Variants in CROCC2 observed in about 807,000 individuals in gnomAD.
CROCC2 encodes ciliary rootlet coiled-coil, rootletin family member 2.
Under a neutral mutation model 177.6 loss-of-function variants are expected in CROCC2, and 163 were observed. The observed-to-expected ratio is 0.92, with a 90% CI of 0.81 to 1.05. The LOEUF is 1.05. Among genes scored for constraint, CROCC2 ranks in the 50% least tolerant of loss-of-function variants. The pLI is 0.00. For missense variants in CROCC2, 1,929 were observed against 1,797.8 expected (o/e 1.07, Z -1.32); for synonymous variants, 904 against 787.3 (o/e 1.15, Z -2.48).
At position 240,934,338 on chromosome 2, in the gene CROCC2, C is replaced by A; in HGVS notation, c.1654C>A (p.Arg552Ser). Residue 552 changes from arginine to serine, a missense_variant, in exon 12 of 32, where the codon CGC becomes AGC. Arg to Ser is a moderately radical substitution (Grantham distance 110, BLOSUM62 -1). Coordinates refer to ENST00000690015, the MANE Select transcript of CROCC2 (RefSeq NM_001351305.2). Reference sequence around the variant, plus strand: ...TCTGGTCTGGGGCCTCAGTCAAGGCCGCCTGCAGCAGCTGGAGGAGAAGGT... The same window carrying A: ...TCTGGTCTGGGGCCTCAGTCAAGGCAGCCTGCAGCAGCTGGAGGAGAAGGT... ...SCRALETSQG[R>S]LQQLEEKVSG... 3.2e-6 allele frequency: 5 copies of A among 1,548,370 alleles called. No homozygotes were observed. The highest frequency in any genetic ancestry group is 4.4e-6 in the Non-Finnish European group (5 of 1,146,800).
rs1031549380 is a variant in CROCC2, at chr2:240,953,457, C to T, written c.2830-2402C>T. ...CAGGAGCACAGGCTAAGAGGGCAGA[C>T]AGACACCATGTGCTAGTGCCCTCCC... On this transcript the variant is annotated intron_variant, in intron 18 of 31. Coordinates refer to ENST00000690015, the MANE Select transcript of CROCC2 (RefSeq NM_001351305.2). The surrounding 1 kb of genome is among the most constrained non-coding windows in gnomAD (Gnocchi z 4.0). Among the ~76,000 whole-genome samples the T allele has an allele frequency of 2.6e-5, 4 of 151,556 alleles. No individual in the cohort carries two copies. The highest frequency in any genetic ancestry group is 9.7e-5 in the African/African-American group (4 of 41,240).
intron 27 of CROCC2, among the ~76,000 whole-genome samples, chr2:240,969,646 T>C (rs1198285882): frequency 1.3e-5 from 2 of 152,258 alleles, no homozygotes; most frequent in East Asian, 1.9e-4. Flanking sequence ...TTTCATTTTA[T>C]GTGTATAGTC....
intron 28 of CROCC2, 62 bp downstream of exon 28, chr2:240,983,091 G>GCCTCTTCCCTGT: frequency 6.8e-7 from 1 of 1,470,358 alleles, no homozygotes; most frequent in Non-Finnish European, 9.2e-7. Context: ...GGCCTACAGG[G>GCCTCTTCCCTGT]AAGAGGCCCT....
intron 20 of CROCC2, chr2:240,959,828 C>T: frequency 5.9e-6 from 1 of 168,668 alleles, no homozygotes; most frequent in South Asian, 1.7e-4. Flanking sequence ...ACGGTGCCAG[C>T]TGAGTGGGAA....
chr2:240,968,255 G>T lies in CROCC2; in HGVS notation c.4394G>T (p.Arg1465Leu). ...SVRAAGQEKR[R>L]LQEQLETLRQ... ...CGTGCGGCAGGCCAGGAGAAGCGGC[G>T]GCTGCAGGTGGGGCAGGCGGCAGGG... Residue 1465 changes from arginine to leucine, a missense_variant, in exon 27 of 32, where the codon CGG (arginine) becomes CTG (leucine). Coordinates refer to ENST00000690015, the MANE Select transcript of CROCC2 (RefSeq NM_001351305.2). The T allele has an allele frequency of 6.5e-7, 1 of 1,529,410 alleles. No homozygotes were observed. The highest frequency in any genetic ancestry group is 8.7e-7 in the Non-Finnish European group (1 of 1,143,692). The allele number at this position is 1,529,410 out of a possible 1,614,324, so 94.7% of individuals were successfully genotyped here.
rs571257604 is a variant in CROCC2 at position 240,932,793 on chromosome 2, G to T, written c.1136G>T (p.Arg379Leu). 6.8e-7 allele frequency: 1 copy of T among 1,473,784 alleles called. No individual in the cohort carries two copies. Among genetic ancestry groups the T allele is most frequent in the South Asian group, 1.2e-5 (1 of 82,028 alleles). The allele number at this position is 1,473,784 out of a possible 1,614,324, so 91.3% of individuals were successfully genotyped here. A position where few individuals can be genotyped will look rare whatever the true frequency, so the allele number is the denominator to read the frequency against. Residue 379 changes from arginine to leucine, a missense_variant, in exon 9 of 32, where the codon CGT becomes CTT. Physicochemically the swap from Arg to Leu is moderately radical, Grantham distance 102. Transcript: ENST00000690015. ...EPRRPLRSPQ[R>L]ATSPHQGASP... ...CGGCGCCCACTGAGGAGCCCCCAAC[G>T]TGCCACATCCCCCCATCAAGGGGCG...
chr2:240,937,304 T>A (rs2059476890), intron 14 of CROCC2, among the ~76,000 whole-genome samples: 1 of 152,250 alleles, frequency 6.6e-6, no homozygotes, highest in South Asian at 2.1e-4. Flanking sequence ...CATGCATGTA[T>A]TGGATATTCG....
At chr2:240,968,776 TG>T (rs1295328086) in intron 27 of CROCC2, among the ~76,000 whole-genome samples, 8 of 152,196 alleles carry the variant, frequency 5.3e-5, no homozygotes. Context: ...GGCTTTGTGC[TG>T]GGGAGGTGCC....
At chr2:240,913,652 G>A (rs551842821) in intron 1 of CROCC2, among the ~76,000 whole-genome samples, 6 of 152,376 alleles carry the variant, frequency 3.9e-5, no homozygotes, top group African/African-American at 1.4e-4. Context: ...CAACACCTGA[G>A]GAGCAAACTG....
chr2:240,926,239 G>C (rs146861299), intron 5 of CROCC2, among the ~76,000 whole-genome samples: 1 of 152,362 alleles, frequency 6.6e-6, no homozygotes, highest in East Asian at 1.9e-4. Flanking sequence ...CTTGGAAGGA[G>C]CCTGGGGCTG....
chr2:240,942,636 A>T lies in CROCC2; in HGVS notation c.2170-3424A>T, dbSNP rs117924645. Among the ~76,000 whole-genome samples the T allele has an allele frequency of 4.9e-4, 74 of 152,306 alleles. No individual in the cohort carries two copies. In the East Asian group the frequency reaches 0.014, roughly 29 times the overall value. ...TTCTTCTAGAGGGAATTTGCTTTTGACTTTGGGAAATCAGAATAGGGATAA... is the reference window on the plus strand; with the variant it reads ...TTCTTCTAGAGGGAATTTGCTTTTGTCTTTGGGAAATCAGAATAGGGATAA... On this transcript the variant is annotated intron_variant, in intron 14 of 31. Transcript: ENST00000690015.
At position 240,972,996 on chromosome 2, in the gene CROCC2, T is replaced by G. The variant is rs1439527895; in HGVS notation, c.4401+4734T>G. Among the ~76,000 whole-genome samples, 2 of 152,030 alleles carry G rather than the reference T, an allele frequency of 1.3e-5. No individual in the cohort carries two copies. Among genetic ancestry groups the G allele is most frequent in the Non-Finnish European group, 2.9e-5 (2 of 68,002 alleles). On this transcript the variant is annotated intron_variant, in intron 27 of 31. Transcript: ENST00000690015. The surrounding 1 kb of genome is among the most constrained non-coding windows in gnomAD (Gnocchi z 7.1). ...CATGCTCCCTGCTGCCCCATGCCCC[T>G]TGCTGAGCAGGGGGGTGCTAGGGTC...
intron 14 of CROCC2, among the ~76,000 whole-genome samples, chr2:240,940,728 A>C (rs2059490800): frequency 6.6e-6 from 1 of 152,208 alleles, no homozygotes; most frequent in Non-Finnish European, 1.5e-5. Context: ...TGACAAACCC[A>C]TAGCCAACAT....
At chr2:240,962,085 C>A (rs2059646246) in intron 20 of CROCC2, among the ~76,000 whole-genome samples, 1 of 150,246 alleles carries the variant, frequency 6.7e-6, no homozygotes, top group African/African-American at 2.5e-5. Flanking sequence ...CACACTCACA[C>A]ACACACACAC....
chr2:240,957,987 T>C (rs1431340292), intron 19 of CROCC2: 1 of 985,254 alleles, frequency 1.0e-6, no homozygotes, highest in African/African-American at 1.7e-5. Flanking sequence ...CAGTGCTGGC[T>C]TCTGGAGCCT....
intron 14 of CROCC2, among the ~76,000 whole-genome samples, 182 bp from the exon 15 acceptor site, chr2:240,945,878 C>T (rs932599872): frequency 1.3e-5 from 2 of 151,962 alleles, no homozygotes; most frequent in Non-Finnish European, 2.9e-5. Context: ...TGAGTGGATG[C>T]CCCCTCTATT....
intron 27 of CROCC2, among the ~76,000 whole-genome samples, chr2:240,975,146 T>C (rs1202330159): frequency 6.6e-6 from 1 of 152,216 alleles, no homozygotes; most frequent in African/African-American, 2.4e-5. Context: ...TGTTTGAGAT[T>C]TTCCAAGAAA....
intron 21 of CROCC2, 30 bp from the exon 22 acceptor site, chr2:240,964,436 G>C (rs535629941): frequency 6.5e-7 from 1 of 1,547,774 alleles, no homozygotes; most frequent in East Asian, 2.4e-5. Context: ...CAGGAGGTGC[G>C]GGGGCCCCAG....
In CROCC2 at chr2:240,918,904, C is replaced by T. The variant is rs771671587; in HGVS notation, c.229+28C>T. On this transcript the variant is annotated intron_variant, in intron 2 of 31. Coordinates refer to ENST00000690015, the MANE Select transcript of CROCC2 (RefSeq NM_001351305.2). This position sits in a 1 kb window ranked among gnomAD's most constrained non-coding sequence, Gnocchi z 6.3. ...GATGGTGTGGGGGACAGTCCTGGGCCCGGGGCTGGCCAAGGTGACGGCGTG... is the reference window on the plus strand; with the variant it reads ...GATGGTGTGGGGGACAGTCCTGGGCTCGGGGCTGGCCAAGGTGACGGCGTG... 1.2e-5 allele frequency: 8 copies of T among 674,406 alleles called. No individual in the cohort carries two copies. Among genetic ancestry groups the T allele is most frequent in the African/African-American group, 3.8e-5 (2 of 53,236 alleles). 41.8% of individuals were successfully genotyped at this position (674,406 alleles called of 1,614,324 possible).
Sources: allele counts gnomAD v4.1 joint callset (sites outside exome capture counted in the v4.1 genomes callset), GRCh38; gene constraint gnomAD v4.1.1; non-coding constraint Gnocchi (gnomAD v3.1); transcripts MANE v1.5; gene names NCBI Gene and HGNC (gene_info 2026-07-23, HGNC 2026-07-21).